ST3GAL1: variants seen among roughly 807,000 people sequenced by gnomAD.
ST3GAL1 encodes CMP-N-acetylneuraminate-beta-galactosamide-alpha-2,3-sialyltransferase 1.
A neutral mutation model predicts 34.1 loss-of-function variants in ST3GAL1; 16 were observed. The observed-to-expected ratio is 0.47, with a 90% confidence interval of 0.32 to 0.71. The LOEUF is 0.71. ST3GAL1 is among the 30% of genes least tolerant of loss of function. ST3GAL1 has a pLI of 0.04. For synonymous variants in ST3GAL1, 191 were observed against 184.7 expected (o/e 1.03, Z -0.28); for missense variants, 353 against 447.4 (o/e 0.79, Z 1.90).
Position 133,455,489 on chromosome 8 carries a change from C to CA in ST3GAL1, c.*4274dup, listed in dbSNP as rs1815264334. 6.6e-6 allele frequency: 1 copy of CA among 152,264 alleles called. No individual in the cohort carries two copies. The highest frequency in any genetic ancestry group is 6.5e-5 in the Admixed American group (1 of 15,274). The allele number at this position is 152,264 out of a possible 1,614,324, so 9.4% of individuals were successfully genotyped here. Reference sequence around the variant, plus strand: ...TTTGCACAGGTGTCAGGTAGCACCCCAGGGGTGCAGGAGCTGGTGTTTTCA... The same window carrying CA: ...TTTGCACAGGTGTCAGGTAGCACCCCAAGGGGTGCAGGAGCTGGTGTTTTCA... On this transcript the variant is annotated 3_prime_UTR_variant, in exon 10 of 10. Transcript: ENST00000522652.
At chr8:133,497,176 C>T (rs1305168293) in intron 3 of ST3GAL1, among the ~76,000 whole-genome samples, 1 of 152,236 alleles carries the variant, frequency 6.6e-6, no homozygotes, top group Non-Finnish European at 1.5e-5. Flanking sequence ...ACAAGGTCAG[C>T]AGTGTAGTTG....
intron 3 of ST3GAL1, among the ~76,000 whole-genome samples, chr8:133,493,081 C>T (rs1323333559): frequency 5.9e-5 from 9 of 152,238 alleles, no homozygotes; most frequent in African/African-American, 1.9e-4. Context: ...AGGCATCCAA[C>T]ACTGGGAGTG....
intron 1 of ST3GAL1, among the ~76,000 whole-genome samples, chr8:133,568,171 T>G (rs1204916434): frequency 1.3e-5 from 2 of 152,136 alleles, no homozygotes; most frequent in Non-Finnish European, 2.9e-5. Context: ...TCCACCCACC[T>G]CGGCCTCCCA....
At chr8:133,472,526 G>A (rs1464724229) in intron 5 of ST3GAL1, among the ~76,000 whole-genome samples, 3 of 152,240 alleles carry the variant, frequency 2.0e-5, no homozygotes, top group African/African-American at 7.2e-5. Flanking sequence ...TGCCTGCAGG[G>A]GGGCCTTTAA....
intron 3 of ST3GAL1, among the ~76,000 whole-genome samples, chr8:133,483,110 G>T (rs996529558): frequency 6.6e-6 from 1 of 152,220 alleles, no homozygotes; most frequent in Non-Finnish European, 1.5e-5. Flanking sequence ...GGGAGGCTGG[G>T]GTGGGCGGAT....
chr8:133,504,640 G>T (rs1387644604), intron 2 of ST3GAL1, among the ~76,000 whole-genome samples: 1 of 152,088 alleles, frequency 6.6e-6, no homozygotes, highest in African/African-American at 2.4e-5. Context: ...CCACAGGAAG[G>T]TACAGGCTCT....
At chr8:133,500,915 A>G (rs1817129726) in intron 2 of ST3GAL1, among the ~76,000 whole-genome samples, 1 of 152,204 alleles carries the variant, frequency 6.6e-6, no homozygotes, top group Non-Finnish European at 1.5e-5. Context: ...TGAATTAGTC[A>G]TCATACAAAT....
chr8:133,492,583 G>A (rs550412303), intron 3 of ST3GAL1, among the ~76,000 whole-genome samples: 43 of 152,290 alleles, frequency 2.8e-4, no homozygotes, highest in East Asian at 1.4e-3. Flanking sequence ...TTATCTGGGC[G>A]TAGTGGCATG....
At chr8:133,565,745 GA>G (rs1288067111) in intron 1 of ST3GAL1, among the ~76,000 whole-genome samples, 1 of 152,230 alleles carries the variant, frequency 6.6e-6, no homozygotes, top group Non-Finnish European at 1.5e-5. Flanking sequence ...GAGGGAGTGG[GA>G]ATTTATACTA....
chr8:133,521,592 C>G (rs1222463549), intron 2 of ST3GAL1, among the ~76,000 whole-genome samples: 1 of 152,228 alleles, frequency 6.6e-6, no homozygotes, highest in East Asian at 1.9e-4. Context: ...ACACCGCCCC[C>G]AGGCCTATCA....
At chr8:133,527,804 A>G (rs569423370) in intron 2 of ST3GAL1, among the ~76,000 whole-genome samples, 1 of 152,088 alleles carries the variant, frequency 6.6e-6, no homozygotes, top group African/African-American at 2.4e-5. Flanking sequence ...TCGCATCATA[A>G]CTCCTTGAAG....
At chr8:133,462,960 C>T (rs1815565748) in intron 8 of ST3GAL1, among the ~76,000 whole-genome samples, 2 of 152,248 alleles carry the variant, frequency 1.3e-5, no homozygotes, top group Admixed American at 1.3e-4. Context: ...TACCTCACTT[C>T]CCTCCTTCTT....
chr8:133,461,852 T>A lies in ST3GAL1; in HGVS notation c.849+23A>T. 1 of 1,613,688 alleles carries A rather than the reference T, an allele frequency of 6.2e-7. No individual in the cohort carries two copies. ...GACGGTGAGCTTCGAGGCAGCCCTG[T>A]GGGCAGGGGGAGGGTGGCATACCTC... On this transcript the variant is annotated intron_variant, in intron 9 of 9. Coordinates refer to ENST00000522652, the MANE Select transcript of ST3GAL1 (RefSeq NM_173344.3). This position sits in a 1 kb window ranked among gnomAD's most constrained non-coding sequence, Gnocchi z 4.7.
chr8:133,470,048 A>G (rs1218970200), intron 5 of ST3GAL1, among the ~76,000 whole-genome samples: 1 of 152,232 alleles, frequency 6.6e-6, no homozygotes, highest in Non-Finnish European at 1.5e-5. Context: ...TGGAGCAGGC[A>G]GGTTACTCCA....
At chr8:133,499,258 T>G (rs1355848435) in intron 2 of ST3GAL1, 69 bp from the exon 3 acceptor site, 8 of 152,072 alleles carry the variant, frequency 5.3e-5, no homozygotes. Context: ...GTGAGACAGT[T>G]TCTTTCCCTA....
At chr8:133,528,747 C>A (rs971812034) in intron 2 of ST3GAL1, among the ~76,000 whole-genome samples, 2 of 152,230 alleles carry the variant, frequency 1.3e-5, no homozygotes. Context: ...TACTGCCTGG[C>A]CCTTTACAGA....
chr8:133,525,743 A>G (rs763294892), intron 2 of ST3GAL1, among the ~76,000 whole-genome samples: 6 of 152,108 alleles, frequency 3.9e-5, no homozygotes, highest in Admixed American at 2.0e-4. Context: ...CACCACCCAG[A>G]GTACATACAC....
At chr8:133,538,716 C>A (rs1047303510) in intron 2 of ST3GAL1, among the ~76,000 whole-genome samples, 1 of 152,202 alleles carries the variant, frequency 6.6e-6, no homozygotes, top group Non-Finnish European at 1.5e-5. Flanking sequence ...TTAAAAACTC[C>A]TTGTGTGGCT....
At chr8:133,541,058 T>TATAGAC (rs1563734466) in intron 2 of ST3GAL1, among the ~76,000 whole-genome samples, 60 of 28,374 alleles carry the variant, frequency 2.1e-3, no homozygotes, top group Non-Finnish European at 3.2e-3. Context: ...TATATAGACA[T>TATAGAC]ATATATATAG....
Sources: gnomAD v4.1 joint callset for allele counts (sites outside exome capture counted in the v4.1 genomes callset) on GRCh38, gnomAD v4.1.1 for gene constraint, Gnocchi (gnomAD v3.1) non-coding constraint, MANE v1.5 for transcripts, NCBI Gene and HGNC (gene_info 2026-07-23, HGNC 2026-07-21) for gene names.